HSD17B4: variants seen among roughly 807,000 people sequenced by gnomAD.
The protein encoded by HSD17B4 is peroxisomal multifunctional enzyme type 2.
A neutral mutation model predicts 101.0 loss-of-function variants in HSD17B4; 70 were observed. The ratio of observed to expected loss-of-function variants is 0.69; its 90% CI spans 0.57 to 0.85. HSD17B4 has a LOEUF of 0.85. Ranked by LOEUF, HSD17B4 falls within the 40% of genes least tolerant of loss-of-function variation. HSD17B4 has a pLI of 0.00. For synonymous variants in HSD17B4, 347 were observed against 297.1 expected (o/e 1.17, Z -1.73); for missense variants, 984 against 892.4 (o/e 1.10, Z -1.31).
rs763363391 is a variant in HSD17B4 at position 119,478,935 on chromosome 5, C to G, written c.536C>G (p.Ala179Gly). ...CTTCTGGGCCTTGCAAATTCTCTTG[C>G]AATTGAAGGCAGGAAAAGCAACATT... ...LGLLGLANSL[A>G]IEGRKSNIHC... The change falls in exon 8 of 24, where the codon GCA becomes GGA. Residue 179 changes from alanine to glycine, a missense_variant. Ala to Gly is a moderately conservative substitution (Grantham distance 60). Transcript: ENST00000510025. 3.1e-6 allele frequency: 5 copies of G among 1,613,464 alleles called. No individual in the cohort carries two copies. In the East Asian group the frequency reaches 1.1e-4, roughly 36 times the overall value.
intron 12 of HSD17B4, among the ~76,000 whole-genome samples, chr5:119,497,188 A>G (rs1750724947): frequency 8.0e-6 from 1 of 125,624 alleles, no homozygotes; most frequent in African/African-American, 3.0e-5. Context: ...TTACTTGCAT[A>G]TAATTTTTGG....
intron 22 of HSD17B4, among the ~76,000 whole-genome samples, chr5:119,533,843 C>T (rs1195435067): frequency 6.6e-6 from 1 of 152,084 alleles, no homozygotes; most frequent in Non-Finnish European, 1.5e-5. Context: ...TCCTGCTGTT[C>T]CTGTTCACTT....
intron 8 of HSD17B4, among the ~76,000 whole-genome samples, chr5:119,484,929 T>C (rs1232156504): frequency 6.6e-6 from 1 of 152,172 alleles, no homozygotes; most frequent in Non-Finnish European, 1.5e-5. Context: ...GGAATTCTTG[T>C]TGAAGAATCA....
chr5:119,470,740 T>G (rs1756283351), intron 2 of HSD17B4, among the ~76,000 whole-genome samples: 1 of 152,202 alleles, frequency 6.6e-6, no homozygotes, highest in Non-Finnish European at 1.5e-5. Context: ...TGAAGTGCTG[T>G]TATTTGTTGT....
At chr5:119,469,086 AT>A (rs1561435703) in intron 2 of HSD17B4, among the ~76,000 whole-genome samples, 1 of 151,236 alleles carries the variant, frequency 6.6e-6, no homozygotes, top group Non-Finnish European at 1.5e-5. Flanking sequence ...AATGATATAT[AT>A]ATCTTTTTGT....
intron 13 of HSD17B4, 62 bp from the exon 14 acceptor site, chr5:119,501,979 C>A: frequency 2.1e-6 from 2 of 956,860 alleles, no homozygotes; most frequent in Non-Finnish European, 3.4e-6. Context: ...GTAACAGTAT[C>A]CATAGGCAGA....
intron 7 of HSD17B4, 144 bp from the exon 8 acceptor site, chr5:119,478,690 A>G: frequency 1.7e-6 from 1 of 591,638 alleles, no homozygotes; most frequent in Non-Finnish European, 3.0e-6. Flanking sequence ...ATATTATTTT[A>G]GTTACATAAA....
chr5:119,509,490 G>C, intron 16 of HSD17B4: 1 of 640,710 alleles, frequency 1.6e-6, no homozygotes, highest in Non-Finnish European at 2.8e-6. Context: ...TCCACTTACT[G>C]AATAGTAAAT....
At position 119,505,793 on chromosome 5, in the gene HSD17B4, G is replaced by C. The variant is rs955012855; in HGVS notation, c.1262-1025G>C. Among the ~76,000 whole-genome samples the C allele has an allele frequency of 3.3e-5, 5 of 151,856 alleles. No homozygotes were observed. The East Asian group carries it at 9.7e-4, about 29-fold the overall frequency. On this transcript the variant is annotated intron_variant, in intron 14 of 23. Transcript: ENST00000510025. ...AGGAGTTGCAGTATTGTGTTGAATA[G>C]GAGTAGAAATTTAAGAAAGAATGGG...
intron 12 of HSD17B4, among the ~76,000 whole-genome samples, chr5:119,498,479 C>A (rs1750851798): frequency 6.6e-6 from 1 of 152,150 alleles, no homozygotes; most frequent in African/African-American, 2.4e-5. Flanking sequence ...TTTATATGTA[C>A]TTCACTTATT....
At chr5:119,523,573 T>C (rs10073818) in intron 17 of HSD17B4, among the ~76,000 whole-genome samples, 27,884 of 152,040 alleles carry the variant, frequency 0.18, 3,968 homozygotes, top group East Asian at 0.43. Context: ...CTCTGTTATC[T>C]ATAGAAAGCA....
Position 119,477,434 on chromosome 5 carries a change from C to T in HSD17B4, c.367C>T (p.His123Tyr). The change falls in exon 7 of 24, where the codon CAT becomes TAT. Residue 123 changes from histidine to tyrosine, a missense_variant. His to Tyr is a moderately conservative substitution (Grantham distance 83). Coordinates refer to ENST00000510025, the MANE Select transcript of HSD17B4 (RefSeq NM_000414.4). ...DEDWDIIHRV[H>Y]LRGSFQVTRA... ...TGTTTTAGATATAATCCACAGAGTT[C>T]ATTTGCGGGGTTCATTCCAAGTGAC... 2 of 1,610,000 alleles carry T rather than the reference C, an allele frequency of 1.2e-6. No homozygotes were observed. The highest frequency in any genetic ancestry group is 1.7e-6 in the Non-Finnish European group (2 of 1,176,498).
chr5:119,483,985 GA>G, intron 8 of HSD17B4, among the ~76,000 whole-genome samples: 1 of 152,112 alleles, frequency 6.6e-6, no homozygotes, highest in East Asian at 1.9e-4. Context: ...AAGGTCCACA[GA>G]CATTTTTGTT....
intron 2 of HSD17B4, among the ~76,000 whole-genome samples, chr5:119,464,451 TC>T: frequency 6.6e-6 from 1 of 152,180 alleles, no homozygotes; most frequent in Non-Finnish European, 1.5e-5. Context: ...GACTGTCATT[TC>T]CCCCACATAT....
intron 6 of HSD17B4, chr5:119,476,509 T>C (rs765385326): frequency 1.0e-6 from 1 of 958,468 alleles, no homozygotes; most frequent in Admixed American, 6.2e-5. Context: ...GGTGAAACAA[T>C]TGTATCATTG....
chr5:119,514,870 A>T lies in HSD17B4; in HGVS notation c.1438-111A>T, dbSNP rs138927353. The T allele has an allele frequency of 1.3e-3, 956 of 741,202 alleles. 12 individuals are homozygous for T. The Admixed American group carries it at 0.018, about 14-fold the overall frequency. The allele number at this position is 741,202 out of a possible 1,614,324, so 45.9% of individuals were successfully genotyped here. A position where few individuals can be genotyped will look rare whatever the true frequency, so the allele number is the denominator to read the frequency against. On this transcript the variant is annotated intron_variant, in intron 16 of 23. Coordinates refer to ENST00000510025, the MANE Select transcript of HSD17B4 (RefSeq NM_000414.4). ...GATTTTTTTTAAACCCTTTTATCCAATTTGCAGAGTTTATTGTATTGAAAC... is the reference window on the plus strand; with the variant it reads ...GATTTTTTTTAAACCCTTTTATCCATTTTGCAGAGTTTATTGTATTGAAAC...
intron 17 of HSD17B4, among the ~76,000 whole-genome samples, chr5:119,515,550 A>G (rs896021213): frequency 2.0e-5 from 3 of 152,204 alleles, no homozygotes; most frequent in Non-Finnish European, 4.4e-5. Flanking sequence ...TTTGTTTGAC[A>G]TAAAGAATTT....
chr5:119,501,926 G>A, intron 13 of HSD17B4, 115 bp from the exon 14 acceptor site: 2 of 700,820 alleles, frequency 2.9e-6, no homozygotes, highest in Non-Finnish European at 5.2e-6. Context: ...TAGATAACTT[G>A]GAGAGAAATG....
At chr5:119,455,669 G>A (rs1245776715) in intron 1 of HSD17B4, among the ~76,000 whole-genome samples, 1 of 151,390 alleles carries the variant, frequency 6.6e-6, no homozygotes, top group Non-Finnish European at 1.5e-5. Flanking sequence ...GTGTAGTCAG[G>A]GTTCACTGTG....
Sources: allele counts gnomAD v4.1 joint callset (sites outside exome capture counted in the v4.1 genomes callset), GRCh38; gene constraint gnomAD v4.1.1; transcripts MANE v1.5; gene names NCBI Gene and HGNC (gene_info 2026-07-23, HGNC 2026-07-21).